PLXNC1: variants seen among roughly 807,000 people sequenced by gnomAD.
PLXNC1 encodes the protein plexin-C1.
In PLXNC1, 75 loss-of-function variants were observed where a neutral mutation model predicts 178.2. That is an observed-to-expected ratio of 0.42 (90% CI 0.35 to 0.51). PLXNC1 has a LOEUF of 0.51. Ranked by LOEUF, PLXNC1 falls within the 20% of genes least tolerant of loss-of-function variation. PLXNC1 has a pLI of 0.02. For synonymous variants in PLXNC1, 790 were observed against 779.9 expected, an observed-to-expected ratio of 1.01 and a Z score of -0.22; for missense variants, 1,503 against 1,984.4, an observed-to-expected ratio of 0.76 and a Z score of 4.61.
intron 7 of PLXNC1, among the ~76,000 whole-genome samples, chr12:94,224,548 T>G (rs1427802521): frequency 6.6e-6 from 1 of 152,138 alleles, no homozygotes. Context: ...TGTGCTTAAG[T>G]GTTCATACCC....
chr12:94,245,690 G>A (rs1259824315), intron 12 of PLXNC1, among the ~76,000 whole-genome samples: 1 of 152,154 alleles, frequency 6.6e-6, no homozygotes, highest in Non-Finnish European at 1.5e-5. Flanking sequence ...AGTGGGGTGG[G>A]TGGAAGCAGG....
chr12:94,221,964 AC>A (rs1963808909), intron 6 of PLXNC1, among the ~76,000 whole-genome samples: 1 of 152,118 alleles, frequency 6.6e-6, no homozygotes, highest in Admixed American at 6.5e-5. Flanking sequence ...TGACCATAGC[AC>A]CCAATTGATC....
At position 94,149,443 on chromosome 12, in the gene PLXNC1, C is replaced by A. The variant is rs1203408769; in HGVS notation, c.472C>A (p.Pro158Thr). ...RNGTEVVSCH[P>T]QGSTAGVVYR... ...CGGCACCGAGGTGGTGTCGTGCCAC[C>A]CGCAGGGCTCGACGGCCGGCGTGGT... is the stretch of plus-strand genomic sequence containing the variant. Residue 158 changes from proline (P) to threonine (T), a missense_variant, in exon 1 of 31, where the codon CCG (proline) becomes ACG (threonine). Physicochemically the swap from Pro to Thr is conservative, Grantham distance 38. This residue lies in a region of PLXNC1 where 73 missense variants were observed against 125.4 expected (regional missense o/e 0.58). Coordinates refer to ENST00000258526, the MANE Select transcript of PLXNC1 (RefSeq NM_005761.3). 1.4e-6 allele frequency: 2 copies of A among 1,462,762 alleles called. No homozygotes were observed. Among genetic ancestry groups the A allele is most frequent in the East Asian group, 2.6e-5 (1 of 38,464 alleles). The allele number at this position is 1,462,762 out of a possible 1,614,324, so 90.6% of individuals were successfully genotyped here.
At chr12:94,261,829 AGTTTAAT>A (rs1372658986) in intron 20 of PLXNC1, among the ~76,000 whole-genome samples, 2 of 151,360 alleles carry the variant, frequency 1.3e-5, no homozygotes, top group African/African-American at 4.8e-5. Context: ...GACTGTGCTT[AGTTTAAT>A]GTTTAATGCA....
intron 2 of PLXNC1, among the ~76,000 whole-genome samples, chr12:94,177,126 TGTGTATATATATGTG>T (rs1962088819): frequency 1.1e-5 from 1 of 88,754 alleles, no homozygotes; most frequent in Admixed American, 1.1e-4. Context: ...TATGTGTGTG[TGTGTATATATATGTG>T]TGTGTGTGTA....
intron 1 of PLXNC1, among the ~76,000 whole-genome samples, chr12:94,156,058 G>A (rs1961156351): frequency 6.6e-6 from 1 of 152,204 alleles, no homozygotes; most frequent in African/African-American, 2.4e-5. Context: ...TGGGACTGTA[G>A]ACAAATTATT....
chr12:94,210,125 C>A (rs943562338), intron 5 of PLXNC1, among the ~76,000 whole-genome samples: 3 of 152,144 alleles, frequency 2.0e-5, no homozygotes, highest in Non-Finnish European at 4.4e-5. Context: ...GTCCCTTATC[C>A]TAATGTGTTG....
At chr12:94,162,395 G>A (rs1961417806) in intron 1 of PLXNC1, among the ~76,000 whole-genome samples, 1 of 152,148 alleles carries the variant, frequency 6.6e-6, no homozygotes. Flanking sequence ...GGCAAGGAAT[G>A]GGTGTGAAGA....
rs1964797326 is a variant in PLXNC1 at position 94,254,864 on chromosome 12, G to A, written c.2959G>A (p.Glu987Lys). 3.7e-5 allele frequency: 59 copies of A among 1,611,608 alleles called. No individual in the cohort carries two copies. The highest frequency in any genetic ancestry group is 4.7e-5 in the Non-Finnish European group (56 of 1,179,304). Residue 987 changes from glutamate to lysine, a missense_variant, in exon 16 of 31, where the codon GAG (glutamate) becomes AAG (lysine). Physicochemically the swap from Glu to Lys is moderately conservative, Grantham distance 56. Transcript: ENST00000258526. ...TCAACAACTAGAATTGCTGGAAAGC[G>A]AGCTCCGGAAAGAGATACGTGACGG... ...QSQQLELLES[E>K]LRKEIRDGFA...
intron 5 of PLXNC1, 88 bp downstream of exon 5, chr12:94,209,792 T>C (rs1198476714): frequency 1.2e-6 from 1 of 813,346 alleles, no homozygotes; most frequent in Admixed American, 2.0e-5. Context: ...AAAATATCCA[T>C]TAGCAATCAA....
intron 24 of PLXNC1, among the ~76,000 whole-genome samples, chr12:94,295,504 G>C (rs549757085): frequency 6.6e-6 from 1 of 152,250 alleles, no homozygotes; most frequent in East Asian, 1.9e-4. Context: ...AGAATCTTAG[G>C]TTTGGATCTC....
chr12:94,218,007 G>A (rs1963692703), intron 5 of PLXNC1, among the ~76,000 whole-genome samples: 1 of 152,188 alleles, frequency 6.6e-6, no homozygotes, highest in South Asian at 2.1e-4. Context: ...AAAAGAGTTG[G>A]TGAAAATGTG....
intron 5 of PLXNC1, among the ~76,000 whole-genome samples, chr12:94,212,489 CGGCAGG>C (rs1963509401): frequency 4.3e-5 from 6 of 139,526 alleles, no homozygotes; most frequent in East Asian, 2.2e-4. Flanking sequence ...CCCCACCCCC[CGGCAGG>C]CCCCGGTGTG....
intron 9 of PLXNC1, among the ~76,000 whole-genome samples, chr12:94,228,647 G>A (rs1964011385): frequency 6.6e-6 from 1 of 152,102 alleles, no homozygotes. Context: ...GGTACCTCAT[G>A]TAATTGAATT....
chr12:94,177,111 GTATA>G (rs1162713981), intron 2 of PLXNC1, among the ~76,000 whole-genome samples: 51 of 135,202 alleles, frequency 3.8e-4, no homozygotes, highest in Non-Finnish European at 6.2e-4. Context: ...ATGTGTGTGT[GTATA>G]TATGTGTGTG....
At chr12:94,297,780 G>A (rs35129588) in intron 26 of PLXNC1, among the ~76,000 whole-genome samples, 38,409 of 152,004 alleles carry the variant, frequency 0.25, 4,967 homozygotes, top group Admixed American at 0.3. Context: ...TTTGAATTGC[G>A]AATAAAATGA....
chr12:94,149,117 T>A lies in PLXNC1; in HGVS notation c.146T>A (p.Ile49Asn). The A allele has an allele frequency of 6.3e-7, 1 of 1,587,092 alleles. No individual in the cohort carries two copies. The highest frequency in any genetic ancestry group is 8.5e-7 in the Non-Finnish European group (1 of 1,172,204). The change falls in exon 1 of 31, where the codon ATC becomes AAC. Residue 49 changes from isoleucine (I) to asparagine (N), a missense_variant. Ile to Asn is a moderately radical substitution (Grantham distance 149). Coordinates refer to ENST00000258526, the MANE Select transcript of PLXNC1 (RefSeq NM_005761.3). ...CGGTCGGAGCAAGCCATCGGAGCCATCGCGGCGAGCCAGGAGGACGGCGTG... is the reference window on the plus strand; with the variant it reads ...CGGTCGGAGCAAGCCATCGGAGCCAACGCGGCGAGCCAGGAGGACGGCGTG... ...VWRSEQAIGA[I>N]AASQEDGVFV...
chr12:94,157,620 C>T (rs1961222680), intron 1 of PLXNC1, among the ~76,000 whole-genome samples: 1 of 152,162 alleles, frequency 6.6e-6, no homozygotes, highest in African/African-American at 2.4e-5. Context: ...AGCTGATTTT[C>T]ATGTTGGTTG....
At chr12:94,240,352 G>A in intron 10 of PLXNC1, 133 bp from the exon 11 acceptor site, 1 of 663,462 alleles carries the variant, frequency 1.5e-6, no homozygotes, top group Non-Finnish European at 2.6e-6. Context: ...TCATGAGTCA[G>A]TAGTTGCCTG....
Sources: allele counts gnomAD v4.1 joint callset (sites outside exome capture counted in the v4.1 genomes callset), GRCh38; gene constraint gnomAD v4.1.1; regional missense constraint gnomAD v4.1.1; transcripts MANE v1.5; gene names NCBI Gene and HGNC (gene_info 2026-07-23, HGNC 2026-07-21).